The following PRMT8 variants were observed in gnomAD, a reference collection of about 807,000 sequenced individuals.
The protein encoded by PRMT8 is protein arginine N-methyltransferase 8.
In PRMT8, 7 loss-of-function variants were observed where a neutral mutation model predicts 47.1. The ratio of observed to expected loss-of-function variants is 0.15; its 90% CI spans 0.08 to 0.28. The LOEUF (loss-of-function observed/expected upper bound fraction) is 0.28, where lower values mean the gene tolerates loss of function less well. PRMT8 is among the 10% of genes least tolerant of loss of function. The probability of loss-of-function intolerance (pLI) is 1.00; values close to 1 mark genes in which losing one functional copy is unlikely to be tolerated. For synonymous variants in PRMT8, 188 were observed against 186.5 expected (o/e 1.01, Z -0.07); for missense variants, 237 against 505.4 (o/e 0.47, Z 5.09).
At chr12:3,477,608 A>G (rs561347661) in intron 1 of PRMT8, among the ~76,000 whole-genome samples, 1 of 152,310 alleles carries the variant, frequency 6.6e-6, no homozygotes, top group South Asian at 2.1e-4. Flanking sequence ...GAATTCACAG[A>G]ACACAATTTT....
intron 1 of PRMT8, among the ~76,000 whole-genome samples, chr12:3,421,571 C>T (rs1375427361): frequency 6.6e-6 from 1 of 152,160 alleles, no homozygotes; most frequent in African/African-American, 2.4e-5. Context: ...TTTCATATCC[C>T]ATTACCCAAA....
chr12:3,385,724 C>T (rs1864131984), intron 1 of PRMT8, among the ~76,000 whole-genome samples: 1 of 152,204 alleles, frequency 6.6e-6, no homozygotes, highest in African/African-American at 2.4e-5. Context: ...TAAGCCTTGG[C>T]TTTCTTTACA....
chr12:3,497,823 G>A (rs564107169), intron 1 of PRMT8, among the ~76,000 whole-genome samples: 75 of 152,254 alleles, frequency 4.9e-4, no homozygotes, highest in African/African-American at 1.6e-3. Context: ...CTTGATGTGC[G>A]TATTTTCATA....
At chr12:3,496,214 A>ATATATATTTTTTTTTTTTTTTTTTT in intron 1 of PRMT8, among the ~76,000 whole-genome samples, 1 of 27,756 alleles carries the variant, frequency 3.6e-5, no homozygotes, top group Non-Finnish European at 7.9e-5. Context: ...ATATATATAT[A>ATATATATTTTTTTTTTTTTTTTTTT]TTTTTTTTTT....
intron 1 of PRMT8, among the ~76,000 whole-genome samples, chr12:3,507,549 G>A (rs1037402241): frequency 6.6e-6 from 1 of 152,130 alleles, no homozygotes; most frequent in Non-Finnish European, 1.5e-5. Flanking sequence ...GGGAGGCTCA[G>A]TCAAAGGATT....
chr12:3,454,743 T>G (rs1374470581), intron 1 of PRMT8, among the ~76,000 whole-genome samples: 1 of 152,166 alleles, frequency 6.6e-6, no homozygotes, highest in Non-Finnish European at 1.5e-5. Context: ...CGGGTCGGCC[T>G]GCGCTCCCAC....
chr12:3,465,271 A>G (rs1865086441), intron 1 of PRMT8, among the ~76,000 whole-genome samples: 1 of 26,978 alleles, frequency 3.7e-5, no homozygotes, highest in South Asian at 1.4e-3. Flanking sequence ...AAATATTTAT[A>G]AAAATAAAAA....
rs1464320856 is a variant in PRMT8, at chr12:3,569,004, G to C, written c.624+156G>C. On this transcript the variant is annotated intron_variant, in intron 5 of 9. Coordinates refer to ENST00000382622, the MANE Select transcript of PRMT8 (RefSeq NM_019854.5). This position sits in a 1 kb window ranked among gnomAD's most constrained non-coding sequence, Gnocchi z 8.2. ...CTCTCTCTAGAGCAGATCTGTATCAGGGAACAGAATGGTTGCCCCGGGTCC... is the reference window on the plus strand; with the variant it reads ...CTCTCTCTAGAGCAGATCTGTATCACGGAACAGAATGGTTGCCCCGGGTCC... 6.6e-6 allele frequency among the ~76,000 whole-genome samples: 1 copy of C among 152,142 alleles called. No individual in the cohort carries two copies. The highest frequency in any genetic ancestry group is 1.5e-5 in the Non-Finnish European group (1 of 67,954).
In PRMT8 at chr12:3,491,619, G is replaced by C; in HGVS notation, c.-7G>C. Reference sequence around the variant, plus strand: ...ATCTCGGTATCACCAAACCCTTGCCGGCTCTTATGGGCATGAAACACTCCT... The same window carrying C: ...ATCTCGGTATCACCAAACCCTTGCCCGCTCTTATGGGCATGAAACACTCCT... On this transcript the variant is annotated 5_prime_UTR_variant, in exon 1 of 10. Transcript: ENST00000382622. 6.2e-7 allele frequency: 1 copy of C among 1,611,836 alleles called. No homozygotes were observed. Among genetic ancestry groups the C allele is most frequent in the Non-Finnish European group, 8.5e-7 (1 of 1,179,490 alleles).
intron 2 of PRMT8, 88 bp downstream of exon 2, chr12:3,540,879 T>G (rs1269084801): frequency 7.2e-7 from 1 of 1,387,930 alleles, no homozygotes; most frequent in South Asian, 1.3e-5. Flanking sequence ...GTTCAACTCC[T>G]TACCATGGTA....
At chr12:3,543,272 A>C (rs1281545505) in intron 2 of PRMT8, among the ~76,000 whole-genome samples, 5 of 152,180 alleles carry the variant, frequency 3.3e-5, no homozygotes, top group African/African-American at 1.2e-4. Context: ...CCCTGTTTTC[A>C]GTTTCCCAGA....
rs1340262335 is a variant in PRMT8, at chr12:3,453,887, G to A, written c.48+72445G>A. 1.3e-5 allele frequency among the ~76,000 whole-genome samples: 2 copies of A among 152,208 alleles called. No homozygotes were observed. The highest frequency in any genetic ancestry group is 3.9e-4 in the East Asian group (2 of 5,194). ...GAAAATGACTGCAGCCTCGGGTGCA[G>A]CCTTGTCCTCAGCGTTCAACACGGG... On this transcript the variant is annotated intron_variant, in intron 1 of 9. Coordinates refer to the PRMT8 transcript ENST00000452611. This position sits in a 1 kb window ranked among gnomAD's most constrained non-coding sequence, Gnocchi z 4.9.
At chr12:3,480,630 T>C (rs1865264658) in intron 1 of PRMT8, among the ~76,000 whole-genome samples, 1 of 129,906 alleles carries the variant, frequency 7.7e-6, no homozygotes, top group African/African-American at 3.1e-5. Flanking sequence ...TTGATTCTCC[T>C]GACTTTAGTT....
intron 1 of PRMT8, among the ~76,000 whole-genome samples, chr12:3,408,777 G>T (rs1864398327): frequency 6.6e-6 from 1 of 152,150 alleles, no homozygotes; most frequent in South Asian, 2.1e-4. Flanking sequence ...GCAGGCTGTG[G>T]TGGCTCTGGA....
At chr12:3,511,576 G>A (rs2137129985) in intron 1 of PRMT8, among the ~76,000 whole-genome samples, 1 of 152,262 alleles carries the variant, frequency 6.6e-6, no homozygotes, top group South Asian at 2.1e-4. Flanking sequence ...CCAGGCCTGG[G>A]TTTCTATGCA....
chr12:3,425,982 A>C (rs1035400391), intron 1 of PRMT8, among the ~76,000 whole-genome samples: 3 of 152,262 alleles, frequency 2.0e-5, no homozygotes, highest in Admixed American at 2.0e-4. Context: ...TGTGAGAGAC[A>C]TGAAGTGAAC....
chr12:3,428,355 A>C (rs1461888357), intron 1 of PRMT8, among the ~76,000 whole-genome samples: 1 of 150,826 alleles, frequency 6.6e-6, no homozygotes, highest in Non-Finnish European at 1.5e-5. Flanking sequence ...TGAACTGGTG[A>C]GCTGTGCTGA....
chr12:3,471,142 C>T (rs990082831), intron 1 of PRMT8, among the ~76,000 whole-genome samples: 3 of 152,042 alleles, frequency 2.0e-5, no homozygotes, highest in Non-Finnish European at 2.9e-5. Flanking sequence ...CTGAAGGCTG[C>T]ACTTTAAGAG....
chr12:3,507,758 C>CTTTT (rs928102421), intron 1 of PRMT8, among the ~76,000 whole-genome samples: 1 of 132,738 alleles, frequency 7.5e-6, no homozygotes, highest in Non-Finnish European at 1.6e-5. Context: ...TCTTCTCCTT[C>CTTTT]TTTTTTTTTT....
Sources: gnomAD v4.1 joint callset for allele counts (sites outside exome capture counted in the v4.1 genomes callset) on GRCh38, gnomAD v4.1.1 for gene constraint, Gnocchi (gnomAD v3.1) non-coding constraint, MANE v1.5 for transcripts, NCBI Gene and HGNC (gene_info 2026-07-23, HGNC 2026-07-21) for gene names.